Variants in FRMD4B observed in about 807,000 individuals in gnomAD.
The protein encoded by FRMD4B is FERM domain containing 4B.
A neutral mutation model predicts 141.5 loss-of-function variants in FRMD4B; 74 were observed. That is an observed-to-expected ratio of 0.52 (90% CI 0.43 to 0.63). The LOEUF (loss-of-function observed/expected upper bound fraction) is 0.63. FRMD4B is among the 30% of genes least tolerant of loss of function. FRMD4B has a pLI of 0.00. For missense variants in FRMD4B, 1,366 were observed against 1,253.4 expected (o/e 1.09, Z -1.36); for synonymous variants, 506 against 467.9 (o/e 1.08, Z -1.05).
intron 5 of FRMD4B, among the ~76,000 whole-genome samples, chr3:69,251,297 T>C (rs2093462452): frequency 6.6e-6 from 1 of 152,190 alleles, no homozygotes; most frequent in South Asian, 2.1e-4. Flanking sequence ...AGCTGGAGTG[T>C]TTCCTAGTTA....
At position 69,235,150 on chromosome 3, in the gene FRMD4B, AAATAATAATAATAATAATAATAAT is replaced by A. The variant is rs55995422; in HGVS notation, c.582-10484_582-10461del. On this transcript the variant is annotated intron_variant, in intron 7 of 22. Transcript: ENST00000398540. ...GGGTGACAGAGCGAGACCCTGTCTC[AAATAATAATAATAATAATAATAAT>A]AATAATAATAATAATAATAATAATA... Among the ~76,000 whole-genome samples the A allele has an allele frequency of 1.6e-3, 219 of 134,110 alleles. 1 individual carries two copies. Among genetic ancestry groups the A allele is most frequent in the African/African-American group, 5.6e-3 (205 of 36,378 alleles). 88.0% of individuals were successfully genotyped at this position (134,110 alleles called of 152,430 possible).
chr3:69,359,984 A>G (rs1305727678), intron 1 of FRMD4B, among the ~76,000 whole-genome samples: 2 of 152,182 alleles, frequency 1.3e-5, no homozygotes, highest in South Asian at 2.1e-4. Flanking sequence ...GCTCTTACAA[A>G]TGGCCTTTCC....
intron 5 of FRMD4B, among the ~76,000 whole-genome samples, chr3:69,266,615 C>T (rs901100307): frequency 1.3e-5 from 2 of 152,070 alleles, no homozygotes; most frequent in South Asian, 2.1e-4. Context: ...CATGAGCCAC[C>T]GTGACTGGCC....
At chr3:69,248,344 G>A (rs890568431) in intron 7 of FRMD4B, among the ~76,000 whole-genome samples, 1 of 152,120 alleles carries the variant, frequency 6.6e-6, no homozygotes, top group African/African-American at 2.4e-5. Flanking sequence ...TGGCATCCTT[G>A]AACATTCTAC....
At chr3:69,385,752 C>T (rs1324153446) in intron 1 of FRMD4B, 76 bp downstream of exon 1, 2 of 1,275,590 alleles carry the variant, frequency 1.6e-6, no homozygotes, top group East Asian at 2.8e-5. Flanking sequence ...GGAATAAAAT[C>T]ATACAGGTGG....
intron 1 of FRMD4B, among the ~76,000 whole-genome samples, chr3:69,501,194 T>C (rs1706489792): frequency 6.6e-6 from 1 of 151,704 alleles, no homozygotes; most frequent in African/African-American, 2.4e-5. Context: ...TTGTAAACTT[T>C]CCTAAAACAC....
chr3:69,518,256 AT>A (rs1473006690), intron 1 of FRMD4B, among the ~76,000 whole-genome samples: 1 of 152,206 alleles, frequency 6.6e-6, no homozygotes, highest in African/African-American at 2.4e-5. Context: ...TTTAATAAAA[AT>A]GATCTTAAAT....
At chr3:69,410,347 G>A (rs939795666) in intron 2 of FRMD4B, among the ~76,000 whole-genome samples, 11 of 152,110 alleles carry the variant, frequency 7.2e-5, no homozygotes, top group African/African-American at 2.2e-4. Flanking sequence ...AGGGGTAAGC[G>A]TGTGAATATC....
At chr3:69,451,457 G>A (rs550141531) in intron 1 of FRMD4B, among the ~76,000 whole-genome samples, 45 of 152,330 alleles carry the variant, frequency 3.0e-4, no homozygotes, top group African/African-American at 1.1e-3. Context: ...GCAGTGGAAG[G>A]TGGAAACAGC....
At chr3:69,228,851 G>A (rs1290302857) in intron 7 of FRMD4B, among the ~76,000 whole-genome samples, 2 of 142,226 alleles carry the variant, frequency 1.4e-5, no homozygotes, top group Non-Finnish European at 1.6e-5. Context: ...AAAAAAAAAA[G>A]AATGGAGAGA....
At chr3:69,240,564 A>G (rs1375556771) in intron 7 of FRMD4B, among the ~76,000 whole-genome samples, 1 of 152,086 alleles carries the variant, frequency 6.6e-6, no homozygotes, top group Non-Finnish European at 1.5e-5. Flanking sequence ...AAGAATGGAA[A>G]GTCAAAGAAA....
chr3:69,465,724 TC>T (rs1261622741), intron 1 of FRMD4B, among the ~76,000 whole-genome samples: 3 of 152,176 alleles, frequency 2.0e-5, no homozygotes, highest in Non-Finnish European at 4.4e-5. Flanking sequence ...CATGAACTCA[TC>T]CTTTTTTATG....
chr3:69,226,257 G>A (rs1198584490), intron 7 of FRMD4B, among the ~76,000 whole-genome samples: 1 of 152,098 alleles, frequency 6.6e-6, no homozygotes, highest in Non-Finnish European at 1.5e-5. Context: ...TGAAATCTGA[G>A]AGTTATGGCT....
In FRMD4B at chr3:69,168,854, A is replaced by T. The variant is rs2092561506; in HGVS notation, c.*3007T>A. Among the ~76,000 whole-genome samples the T allele has an allele frequency of 6.6e-6, 1 of 152,160 alleles. No individual in the cohort carries two copies. Among genetic ancestry groups the T allele is most frequent in the Admixed American group, 6.5e-5 (1 of 15,268 alleles). ...GTGAGTACAAGGAAGAATTTTGAAA[A>T]TTTTTGTCAAATATAGAAAAATAGA... On this transcript the variant is annotated 3_prime_UTR_variant, in exon 23 of 23. Coordinates refer to ENST00000398540, the MANE Select transcript of FRMD4B (RefSeq NM_015123.3).
Position 69,412,841 on chromosome 3 carries a change from T to C in FRMD4B, c.-1+19793A>G, listed in dbSNP as rs916795649. ...AGAGAATTCCAATGAGAAGCTCCAC[T>C]TTTTTTTTTTTTTTTTTTTTTTTTT... is the stretch of plus-strand genomic sequence containing the variant. On this transcript the variant is annotated intron_variant, in intron 2 of 5. Transcript: ENST00000459638. 2.4e-4 allele frequency among the ~76,000 whole-genome samples: 4 copies of C among 17,004 alleles called. No individual in the cohort carries two copies. In the East Asian group the frequency reaches 0.012, roughly 53 times the overall value. 11.2% of individuals were successfully genotyped at this position (17,004 alleles called of 152,430 possible). A position where few individuals can be genotyped will look rare whatever the true frequency, so the allele number is the denominator to read the frequency against.
intron 1 of FRMD4B, among the ~76,000 whole-genome samples, chr3:69,489,923 G>C (rs1047655849): frequency 2.0e-5 from 3 of 152,180 alleles, no homozygotes; most frequent in Non-Finnish European, 4.4e-5. Flanking sequence ...AATACTGATA[G>C]AGCTACAACA....
chr3:69,431,106 A>G (rs1325171864), intron 2 of FRMD4B, among the ~76,000 whole-genome samples: 1 of 152,236 alleles, frequency 6.6e-6, no homozygotes. Context: ...GAATCAAAGA[A>G]GGCAAGAATG....
chr3:69,356,172 C>T (rs1559826771), intron 1 of FRMD4B, among the ~76,000 whole-genome samples: 2 of 150,152 alleles, frequency 1.3e-5, no homozygotes, highest in Non-Finnish European at 2.9e-5. Flanking sequence ...ATCACTCTAC[C>T]CCCATGTGAT....
intron 1 of FRMD4B, among the ~76,000 whole-genome samples, chr3:69,472,927 TTTTTTTTTTTC>T (rs1266967567): frequency 4.6e-5 from 6 of 130,298 alleles, no homozygotes; most frequent in Non-Finnish European, 7.8e-5. Context: ...GAGTCTTTCT[TTTTTTTTTTTC>T]TTTTTTTTTT....
Sources: allele counts gnomAD v4.1 joint callset (sites outside exome capture counted in the v4.1 genomes callset), GRCh38; gene constraint gnomAD v4.1.1; transcripts MANE v1.5; gene names NCBI Gene and HGNC (gene_info 2026-07-23, HGNC 2026-07-21).